The following ZCRB1 variants were observed in gnomAD, a reference collection of about 807,000 sequenced individuals.
ZCRB1 encodes the protein zinc finger CCHC-type and RNA binding motif containing 1.
A neutral mutation model predicts 29.9 loss-of-function variants in ZCRB1; 21 were observed. The ratio of observed to expected loss-of-function variants is 0.70; its 90% CI spans 0.50 to 1.01. ZCRB1 has a LOEUF of 1.01. Among genes scored for constraint, ZCRB1 ranks in the 50% least tolerant of loss-of-function variants. The pLI is 0.00. For missense variants in ZCRB1, 204 were observed against 253.3 expected, an observed-to-expected ratio of 0.81 and a Z score of 1.32; for synonymous variants, 77 against 80.0, an observed-to-expected ratio of 0.96 and a Z score of 0.20.
rs573966345 is a variant in ZCRB1 at position 42,318,199 on chromosome 12, T to C, written c.114-301A>G. ...ACCACAATCCCTCTTCCATGCTAAC[T>C]CCCTCACCTTGCAAAACAAAACAAA... On this transcript the variant is annotated intron_variant, in intron 3 of 7. Transcript: ENST00000266529. Among the ~76,000 whole-genome samples the C allele has an allele frequency of 3.3e-5, 5 of 152,212 alleles. No homozygotes were observed. The South Asian group carries it at 1.0e-3, about 32-fold the overall frequency.
chr12:42,315,225 A>C (rs1397430159), intron 5 of ZCRB1, among the ~76,000 whole-genome samples: 1 of 152,214 alleles, frequency 6.6e-6, no homozygotes, highest in African/African-American at 2.4e-5. Flanking sequence ...ATTCCTACTT[A>C]GCTAGAACAT....
chr12:42,317,640 T>C (rs1049258525), intron 4 of ZCRB1, 147 bp downstream of exon 4: 1 of 790,226 alleles, frequency 1.3e-6, no homozygotes. Context: ...ACCCAGTAGT[T>C]TGACCTCTTT....
intron 3 of ZCRB1, among the ~76,000 whole-genome samples, chr12:42,318,256 GATTT>G (rs370494018): frequency 1.8e-4 from 28 of 152,178 alleles, no homozygotes; most frequent in Admixed American, 5.2e-4. Context: ...AAAGTAAAAT[GATTT>G]ATTTATTTTT....
Position 42,322,464 on chromosome 12 carries a change from A to C in ZCRB1, c.85-18T>G. 2 of 1,475,830 alleles carry C rather than the reference A, an allele frequency of 1.4e-6. No homozygotes were observed. Among genetic ancestry groups the C allele is most frequent in the Non-Finnish European group, 1.8e-6 (2 of 1,095,966 alleles). 91.4% of individuals were successfully genotyped at this position (1,475,830 alleles called of 1,614,324 possible). On this transcript the variant is annotated intron_variant, in intron 2 of 7. Coordinates refer to ENST00000266529, the MANE Select transcript of ZCRB1 (RefSeq NM_033114.4). ...GAAAATATCTGAAACAAAAGACCAA[A>C]TATTTACAATTTATTTTAAAATCAT...
intron 1 of ZCRB1, among the ~76,000 whole-genome samples, chr12:42,324,422 A>G (rs899773929): frequency 1.3e-5 from 2 of 152,248 alleles, no homozygotes; most frequent in African/African-American, 4.8e-5. Flanking sequence ...TGCTGGGATT[A>G]CAGGCATGAA....
chr12:42,320,792 C>T (rs994532127), intron 3 of ZCRB1, among the ~76,000 whole-genome samples: 13 of 152,158 alleles, frequency 8.5e-5, no homozygotes, highest in Non-Finnish European at 1.9e-4. Context: ...CTACATTAAG[C>T]CAGAATAAAC....
At position 42,317,415 on chromosome 12, in the gene ZCRB1, A is replaced by G. The variant is rs1209047319; in HGVS notation, c.258T>C (p.Ala86=). ...LFGRVIKASI[A]IDNGRAAEFI... is the part of the protein sequence containing the mutation. ...ACTCAGCTGCTCTTCCATTGTCAAT[A>G]GCAATGCTTGCTTTTATCACTCTAC... The change falls in exon 5 of 8, where the codon GCT becomes GCC. Residue 86 remains alanine (A), a synonymous_variant. Coordinates refer to ENST00000266529, the MANE Select transcript of ZCRB1 (RefSeq NM_033114.4). 6.2e-7 allele frequency: 1 copy of G among 1,612,268 alleles called. No individual in the cohort carries two copies. Among genetic ancestry groups the G allele is most frequent in the African/African-American group, 1.3e-5 (1 of 74,900 alleles).
intron 5 of ZCRB1, among the ~76,000 whole-genome samples, chr12:42,314,576 C>G (rs2068585982): frequency 1.4e-5 from 2 of 137,958 alleles, no homozygotes; most frequent in Admixed American, 1.5e-4. Flanking sequence ...GAGCAAAACT[C>G]CGTCTCAAAA....
intron 3 of ZCRB1, among the ~76,000 whole-genome samples, chr12:42,319,298 A>G (rs17091065): frequency 0.018 from 2,718 of 152,080 alleles, 92 homozygotes; most frequent in African/African-American, 0.063. Context: ...TTTCTCTTAT[A>G]ATTTTCTCAT....
chr12:42,320,451 C>CT (rs918316063), intron 3 of ZCRB1, among the ~76,000 whole-genome samples: 12 of 151,608 alleles, frequency 7.9e-5, no homozygotes, highest in Admixed American at 2.6e-4. Flanking sequence ...TTGCTTTTTT[C>CT]TTTTTTTTGC....
chr12:42,321,761 A>G (rs942051635), intron 3 of ZCRB1, among the ~76,000 whole-genome samples: 5 of 152,244 alleles, frequency 3.3e-5, no homozygotes, highest in Non-Finnish European at 7.3e-5. Flanking sequence ...CAGAATCTAT[A>G]TTGGTTACAA....
intron 5 of ZCRB1, 74 bp downstream of exon 5, chr12:42,317,266 G>A: frequency 9.4e-7 from 1 of 1,066,516 alleles, no homozygotes. Context: ...AAGTTTTGGT[G>A]AGCAAAAATA....
rs146493618 is a variant in ZCRB1, at chr12:42,315,944, G to C, written c.333+1396C>G. Reference sequence around the variant, plus strand: ...GTTTATTTAGTTATCTTTTTTGTCGGGGGTATGGGGAGTGACAGTGGGGTA... The same window carrying C: ...GTTTATTTAGTTATCTTTTTTGTCGCGGGTATGGGGAGTGACAGTGGGGTA... On this transcript the variant is annotated intron_variant, in intron 5 of 7. Coordinates refer to ENST00000266529, the MANE Select transcript of ZCRB1 (RefSeq NM_033114.4). 7.2e-5 allele frequency among the ~76,000 whole-genome samples: 11 copies of C among 151,972 alleles called. No homozygotes were observed. In the East Asian group the frequency reaches 2.1e-3, roughly 29 times the overall value.
intron 3 of ZCRB1, among the ~76,000 whole-genome samples, chr12:42,321,008 T>G (rs1450400239): frequency 6.6e-6 from 1 of 152,236 alleles, no homozygotes; most frequent in Non-Finnish European, 1.5e-5. Context: ...TTGATCTCAC[T>G]TTATTTTCTC....
chr12:42,323,170 C>T (rs934202723), intron 2 of ZCRB1, among the ~76,000 whole-genome samples: 5 of 151,986 alleles, frequency 3.3e-5, no homozygotes, highest in African/African-American at 1.2e-4. Flanking sequence ...CGAATTTTTT[C>T]GTTCTATGAT....
rs71084639 is a variant in ZCRB1, at chr12:42,314,397, TAAAAAAAAAAAAAAAA to T, written c.334-427_334-412del. ...CAAAATGGTGAAATCCCGTCTCTAC[TAAAAAAAAAAAAAAAA>T]AAAAAAAAAAAAAAAAAATTAGTTG... On this transcript the variant is annotated intron_variant, in intron 5 of 7. Coordinates refer to ENST00000266529, the MANE Select transcript of ZCRB1 (RefSeq NM_033114.4). Among the ~76,000 whole-genome samples the T allele has an allele frequency of 2.9e-3, 81 of 27,768 alleles. 1 individual carries two copies. The highest frequency in any genetic ancestry group is 0.036 in the Middle Eastern group (1 of 28). The allele number at this position is 27,768 out of a possible 152,430, so 18.2% of individuals were successfully genotyped here.
intron 3 of ZCRB1, among the ~76,000 whole-genome samples, chr12:42,320,953 C>G (rs1270160967): frequency 1.3e-5 from 2 of 152,140 alleles, no homozygotes; most frequent in Non-Finnish European, 2.9e-5. Flanking sequence ...TGCTTTCTCC[C>G]CCTTACTCAC....
chr12:42,324,256 A>G (rs1315056725), intron 1 of ZCRB1, among the ~76,000 whole-genome samples, 152 bp from the exon 2 acceptor site: 1 of 152,088 alleles, frequency 6.6e-6, no homozygotes, highest in Non-Finnish European at 1.5e-5. Context: ...TCAAGCAATT[A>G]TCCTGCCTCA....
intron 1 of ZCRB1, chr12:42,325,581 A>T (rs1409049859): frequency 1.3e-5 from 2 of 152,222 alleles, no homozygotes; most frequent in Admixed American, 1.3e-4. Flanking sequence ...TGATTTAAAA[A>T]GAGCGTGCGG....
Sources: gnomAD v4.1 joint callset for allele counts (sites outside exome capture counted in the v4.1 genomes callset) on GRCh38, gnomAD v4.1.1 for gene constraint, MANE v1.5 for transcripts, NCBI Gene and HGNC (gene_info 2026-07-23, HGNC 2026-07-21) for gene names.